The following LAMA2 variants were observed in gnomAD, a reference collection of about 807,000 sequenced individuals.
LAMA2 encodes laminin subunit alpha-2.
A neutral mutation model predicts 364.8 loss-of-function variants in LAMA2; 269 were observed. The ratio of observed to expected loss-of-function variants is 0.74; its 90% CI spans 0.67 to 0.82. LAMA2 has a LOEUF of 0.82. Among genes scored for constraint, LAMA2 ranks in the 40% least tolerant of loss-of-function variants. The pLI, the probability that LAMA2 is intolerant of heterozygous loss-of-function variation, is 0.00. For synonymous variants in LAMA2, 1,379 were observed against 1,370.6 expected, an observed-to-expected ratio of 1.01 and a Z score of -0.14; for missense variants, 3,807 against 3,873.2, an observed-to-expected ratio of 0.98 and a Z score of 0.45.
chr6:129,059,452 G>A (rs1788732366), intron 2 of LAMA2, among the ~76,000 whole-genome samples: 1 of 152,154 alleles, frequency 6.6e-6, no homozygotes, highest in African/African-American at 2.4e-5. Context: ...TGATTGACAA[G>A]TCAATTAGAT....
chr6:129,450,082 G>A (rs918060862), intron 45 of LAMA2, among the ~76,000 whole-genome samples: 5 of 151,264 alleles, frequency 3.3e-5, no homozygotes, highest in Admixed American at 3.3e-4. Context: ...GGGATTACAG[G>A]CGTGAGCCAC....
chr6:129,174,471 C>T (rs973812533), intron 9 of LAMA2, among the ~76,000 whole-genome samples: 1 of 150,078 alleles, frequency 6.7e-6, no homozygotes, highest in African/African-American at 2.5e-5. Flanking sequence ...ACTTCATTTT[C>T]TTATGTTTCG....
At chr6:128,925,853 C>G (rs1010623187) in intron 1 of LAMA2, among the ~76,000 whole-genome samples, 1 of 151,854 alleles carries the variant, frequency 6.6e-6, no homozygotes, top group Admixed American at 6.6e-5. Flanking sequence ...TAATGCATAT[C>G]TTGTTCTGCA....
At chr6:129,213,773 T>C (rs1341957668) in intron 12 of LAMA2, among the ~76,000 whole-genome samples, 3 of 152,228 alleles carry the variant, frequency 2.0e-5, no homozygotes, top group Non-Finnish European at 4.4e-5. Flanking sequence ...ATATCAGGTA[T>C]ATCTTTTGCA....
intron 1 of LAMA2, among the ~76,000 whole-genome samples, chr6:128,893,201 A>T (rs1022826157): frequency 6.6e-6 from 1 of 152,038 alleles, no homozygotes; most frequent in South Asian, 2.1e-4. Flanking sequence ...ATGACAATGT[A>T]ATGTTCGAAT....
chr6:129,029,195 G>A (rs1332345430), intron 1 of LAMA2, among the ~76,000 whole-genome samples: 3 of 151,812 alleles, frequency 2.0e-5, no homozygotes, highest in African/African-American at 7.2e-5. Flanking sequence ...ACAAGATGAT[G>A]AAGAAATTAC....
intron 29 of LAMA2, 81 bp from the exon 30 acceptor site, chr6:129,342,262 C>G (rs186822764): frequency 8.0e-7 from 1 of 1,248,960 alleles, no homozygotes; most frequent in East Asian, 2.4e-5. Flanking sequence ...GACACACATT[C>G]ATAGCTAGGG....
intron 19 of LAMA2, among the ~76,000 whole-genome samples, chr6:129,288,351 G>A (rs117357196): frequency 6.6e-6 from 1 of 151,984 alleles, no homozygotes; most frequent in East Asian, 1.9e-4. Context: ...TCCACAGCAG[G>A]AAAGAAGAAT....
At chr6:129,300,980 A>T (rs747304679) in intron 22 of LAMA2, 108 bp downstream of exon 22, 5 of 932,350 alleles carry the variant, frequency 5.4e-6, no homozygotes, top group South Asian at 1.3e-5. Context: ...AAAATAATGT[A>T]GAAGTATTAC....
chr6:129,146,092 T>A (rs921973884), intron 5 of LAMA2, among the ~76,000 whole-genome samples: 4 of 151,864 alleles, frequency 2.6e-5, no homozygotes, highest in African/African-American at 9.7e-5. Context: ...AGAAGTAAAT[T>A]GGAAAAAGGG....
Position 129,117,439 on chromosome 6 carries a change from C to T in LAMA2, c.639+19024C>T, listed in dbSNP as rs1002446843. Among the ~76,000 whole-genome samples, 3 of 152,124 alleles carry T rather than the reference C, an allele frequency of 2.0e-5. 1 individual carries two copies. The highest frequency in any genetic ancestry group is 6.5e-5 in the Admixed American group (1 of 15,270). On this transcript the variant is annotated intron_variant, in intron 4 of 64. Transcript: ENST00000421865. ...TTCATGAAGGAGTACAGGGGATGGG[C>T]GCTTTGTGTGTCCACTTTGTTTGTC... is the stretch of plus-strand genomic sequence containing the variant.
chr6:129,132,387 C>T (rs534688953), intron 4 of LAMA2, among the ~76,000 whole-genome samples: 2 of 152,142 alleles, frequency 1.3e-5, no homozygotes, highest in South Asian at 2.1e-4. Context: ...AGGATGGTCT[C>T]GATCTCCTGA....
chr6:129,027,572 A>G (rs932360974), intron 1 of LAMA2, among the ~76,000 whole-genome samples: 1 of 152,004 alleles, frequency 6.6e-6, no homozygotes, highest in Non-Finnish European at 1.5e-5. Context: ...TCAAACAATG[A>G]TTCTTTTTAA....
intron 20 of LAMA2, 33 bp from the exon 21 acceptor site, chr6:129,297,652 A>G: frequency 6.2e-7 from 1 of 1,606,560 alleles, no homozygotes; most frequent in Non-Finnish European, 8.5e-7. Flanking sequence ...TAACTGATTT[A>G]AATTTAATTT....
chr6:129,145,499 A>G (rs1297836139), intron 5 of LAMA2, among the ~76,000 whole-genome samples: 2 of 152,042 alleles, frequency 1.3e-5, no homozygotes, highest in African/African-American at 4.8e-5. Context: ...GGCGGGACTT[A>G]AAAATATACA....
At chr6:128,976,835 A>G (rs1188318929) in intron 1 of LAMA2, among the ~76,000 whole-genome samples, 7 of 152,206 alleles carry the variant, frequency 4.6e-5, no homozygotes, top group Admixed American at 4.6e-4. Context: ...TAGCAGGACC[A>G]TAGCACTGAT....
chr6:129,289,895 C>G (rs1789574505), intron 19 of LAMA2, among the ~76,000 whole-genome samples: 1 of 151,996 alleles, frequency 6.6e-6, no homozygotes, highest in African/African-American at 2.4e-5. Flanking sequence ...ACATTTATTA[C>G]TTATTTTTAT....
intron 58 of LAMA2, among the ~76,000 whole-genome samples, chr6:129,498,825 A>G (rs1379453065): frequency 6.6e-6 from 1 of 152,236 alleles, no homozygotes; most frequent in African/African-American, 2.4e-5. Context: ...TCAACGAATC[A>G]TACGCACTCC....
intron 12 of LAMA2, among the ~76,000 whole-genome samples, chr6:129,195,015 A>T (rs1781754043): frequency 6.6e-6 from 1 of 152,228 alleles, no homozygotes; most frequent in African/African-American, 2.4e-5. Context: ...TAGCGTATCA[A>T]GATACAAGTG....
Sources: gnomAD v4.1 joint callset for allele counts (sites outside exome capture counted in the v4.1 genomes callset) on GRCh38, gnomAD v4.1.1 for gene constraint, MANE v1.5 for transcripts, NCBI Gene and HGNC (gene_info 2026-07-23, HGNC 2026-07-21) for gene names.